The following SPIRE2 variants were observed in gnomAD, a reference collection of about 807,000 sequenced individuals.
The protein encoded by SPIRE2 is protein spire homolog 2.
Under a neutral mutation model 80.7 loss-of-function variants are expected in SPIRE2, and 76 were observed. That is an observed-to-expected ratio of 0.94 (90% CI 0.78 to 1.14). The LOEUF (loss-of-function observed/expected upper bound fraction) is 1.14. Ranked by LOEUF, SPIRE2 falls within the 50% of genes most tolerant of loss-of-function variation. The pLI is 0.00. For missense variants in SPIRE2, 1,196 were observed against 1,015.3 expected, an observed-to-expected ratio of 1.18 and a Z score of -2.42; for synonymous variants, 535 against 432.6, an observed-to-expected ratio of 1.24 and a Z score of -2.94.
At position 89,870,817 on chromosome 16, in the gene SPIRE2, G is replaced by T. The variant is rs1356379883; in HGVS notation, c.*545G>T. On this transcript the variant is annotated 3_prime_UTR_variant, in exon 15 of 15. Transcript: ENST00000378247. ...TTTGAAAGGTCTGGCCAGGCGTGGT[G>T]GTTCAGGCCTGTAATTCCAGCACTT... is the stretch of plus-strand genomic sequence containing the variant. 1 of 156,090 alleles carries T rather than the reference G, an allele frequency of 6.4e-6. No individual in the cohort carries two copies. Among genetic ancestry groups the T allele is most frequent in the Non-Finnish European group, 1.4e-5 (1 of 70,156 alleles). The allele number at this position is 156,090 out of a possible 1,614,324, so 9.7% of individuals were successfully genotyped here. A position where few individuals can be genotyped will look rare whatever the true frequency, so the allele number is the denominator to read the frequency against.
intron 1 of SPIRE2, among the ~76,000 whole-genome samples, chr16:89,839,858 A>G (rs2041487164): frequency 6.6e-6 from 1 of 152,236 alleles, no homozygotes; most frequent in Non-Finnish European, 1.5e-5. Flanking sequence ...CCTTGGGCCA[A>G]GCCTGGCCAG....
At chr16:89,864,442 C>T (rs555163128) in intron 12 of SPIRE2, among the ~76,000 whole-genome samples, 1 of 152,344 alleles carries the variant, frequency 6.6e-6, no homozygotes, top group South Asian at 2.1e-4. Context: ...AAATCTGGTC[C>T]TCGGCCTGTT....
rs749846493 is a variant in SPIRE2 at position 89,860,795 on chromosome 16, GGTGA to G, written c.1575+6_1575+9del. On this transcript the variant is annotated splice_donor_variant and splice_donor_region_variant and intron_variant, in intron 10 of 14. Coordinates refer to ENST00000378247, the MANE Select transcript of SPIRE2 (RefSeq NM_032451.2). LOFTEE classifies it high-confidence loss of function. ...CCCCCGATGCCAAACACCTGTGGCT[GGTGA>G]GTGAGGGTGCGATTGTCGTCCAGGG... The G allele has an allele frequency of 3.8e-5, 57 of 1,480,820 alleles. No homozygotes were observed. Among genetic ancestry groups the G allele is most frequent in the Middle Eastern group, 1.8e-4 (1 of 5,636 alleles). 91.7% of individuals were successfully genotyped at this position (1,480,820 alleles called of 1,614,324 possible).
At chr16:89,842,325 C>T (rs12923707) in intron 1 of SPIRE2, among the ~76,000 whole-genome samples, 1 of 144,406 alleles carries the variant, frequency 6.9e-6, no homozygotes, top group African/African-American at 2.6e-5. Flanking sequence ...CGATTCTCCT[C>T]TCTCAGCCTC....
chr16:89,839,075 C>A (rs1265871710), intron 1 of SPIRE2, among the ~76,000 whole-genome samples: 2 of 151,298 alleles, frequency 1.3e-5, no homozygotes, highest in Admixed American at 1.3e-4. Context: ...GGCGCTGTGG[C>A]TCACGCCTGT....
Position 89,829,721 on chromosome 16 carries a change from C to G in SPIRE2, c.244+927C>G, listed in dbSNP as rs569039895. Among the ~76,000 whole-genome samples the G allele has an allele frequency of 4.0e-5, 6 of 151,824 alleles. No homozygotes were observed. The East Asian group carries it at 9.6e-4, about 24-fold the overall frequency. ...GTCCTGCTCATCCTGGAGCCCCCCC[C>G]TCAGCTGCCTCCACACTCCTGCCAT... is the stretch of plus-strand genomic sequence containing the variant. On this transcript the variant is annotated intron_variant, in intron 1 of 14. Transcript: ENST00000378247.
Position 89,834,328 on chromosome 16 carries a change from G to A in SPIRE2, c.244+5534G>A, listed in dbSNP as rs565071845. 1.2e-4 allele frequency among the ~76,000 whole-genome samples: 16 copies of A among 137,310 alleles called. No individual in the cohort carries two copies. In the East Asian group the frequency reaches 1.8e-3, roughly 16 times the overall value. The allele number at this position is 137,310 out of a possible 152,430, so 90.1% of individuals were successfully genotyped here. On this transcript the variant is annotated intron_variant, in intron 1 of 14. Coordinates refer to ENST00000378247, the MANE Select transcript of SPIRE2 (RefSeq NM_032451.2). The stretch of plus-strand genomic sequence containing the variant: ...GTAGAAGGCCCCATAAGCATAGCCC[G>A]TGTGAATCTGTGAACCTGCCTGTGC...
chr16:89,832,234 C>T (rs1216481713), intron 1 of SPIRE2, among the ~76,000 whole-genome samples: 5 of 152,236 alleles, frequency 3.3e-5, no homozygotes, highest in East Asian at 1.9e-4. Flanking sequence ...CCACCTTTGC[C>T]GAGGAGCACC....
rs772079824 is a variant in SPIRE2 at position 89,855,703 on chromosome 16, C to T, written c.978+17C>T. 6.2e-7 allele frequency: 1 copy of T among 1,612,054 alleles called. No homozygotes were observed. The highest frequency in any genetic ancestry group is 1.1e-5 in the South Asian group (1 of 91,004). On this transcript the variant is annotated intron_variant, in intron 6 of 14. Coordinates refer to ENST00000378247, the MANE Select transcript of SPIRE2 (RefSeq NM_032451.2). Reference sequence around the variant, plus strand: ...CTGAAGCAGGTGCTGCCCCAGCCTCCTCCTCCTCAGGGGCCGCCCGGGGCC... The same window carrying T: ...CTGAAGCAGGTGCTGCCCCAGCCTCTTCCTCCTCAGGGGCCGCCCGGGGCC...
Position 89,828,696 on chromosome 16 carries a change from G to A in SPIRE2, c.146G>A (p.Arg49His). ...TGGGCCGTGTGCTTCCAGGGCTGCCGCGGGCTGCGGGGCTCGCCGGGCCGG... is the reference window on the plus strand; with the variant it reads ...TGGGCCGTGTGCTTCCAGGGCTGCCACGGGCTGCGGGGCTCGCCGGGCCGG... Reference protein sequence around the residue: ...QAWAVCFQGCRGLRGSPGRRL... With the variant: ...QAWAVCFQGCHGLRGSPGRRL... The change falls in exon 1 of 15, where the codon CGC becomes CAC. Residue 49 changes from arginine to histidine, a missense_variant. By Grantham distance (29) the Arg-to-His change is conservative (BLOSUM62 0). Transcript: ENST00000378247. This position sits in a 1 kb window ranked among gnomAD's most constrained non-coding sequence, Gnocchi z 5.9. 2.3e-6 allele frequency: 3 copies of A among 1,291,368 alleles called. No homozygotes were observed. Among genetic ancestry groups the A allele is most frequent in the Non-Finnish European group, 2.0e-6 (2 of 1,015,752 alleles). The allele number at this position is 1,291,368 out of a possible 1,614,324, so 80.0% of individuals were successfully genotyped here. A position where few individuals can be genotyped will look rare whatever the true frequency, so the allele number is the denominator to read the frequency against.
At chr16:89,869,777 G>C (rs1270635758) in intron 14 of SPIRE2, 95 bp downstream of exon 14, 2 of 940,966 alleles carry the variant, frequency 2.1e-6, no homozygotes, top group Non-Finnish European at 3.4e-6. Flanking sequence ...TTGTCTGTTT[G>C]CTAGGACACC....
intron 1 of SPIRE2, among the ~76,000 whole-genome samples, chr16:89,837,275 C>G (rs942065071): frequency 6.6e-6 from 1 of 152,124 alleles, no homozygotes; most frequent in Non-Finnish European, 1.5e-5. Context: ...GGCACCCCAC[C>G]CTCAGGGGAC....
In SPIRE2 at chr16:89,839,020, T is replaced by G. The variant is rs80294481; in HGVS notation, c.245-6302T>G. 4.5e-3 allele frequency among the ~76,000 whole-genome samples: 671 copies of G among 150,246 alleles called. 4 individuals carry two copies. Among genetic ancestry groups the G allele is most frequent in the African/African-American group, 0.016 (653 of 41,038 alleles). Reference sequence around the variant, plus strand: ...GCTGGGATTACAGACGTGTCTCAAGTGGACACATCTGTGTTTCGAGTGTTA... The same window carrying G: ...GCTGGGATTACAGACGTGTCTCAAGGGGACACATCTGTGTTTCGAGTGTTA... On this transcript the variant is annotated intron_variant, in intron 1 of 14. Coordinates refer to ENST00000378247, the MANE Select transcript of SPIRE2 (RefSeq NM_032451.2).
intron 1 of SPIRE2, among the ~76,000 whole-genome samples, chr16:89,842,339 AGT>A (rs2041514517): frequency 6.7e-6 from 1 of 149,548 alleles, no homozygotes; most frequent in African/African-American, 2.5e-5. Context: ...CAGCCTCCCA[AGT>A]AGCTGGGATT....
At position 89,870,087 on chromosome 16, in the gene SPIRE2, G is replaced by T. The variant is rs1017259743; in HGVS notation, c.1960G>T (p.Ala654Ser). ...GCCACAGTGGCAGAGCGTGGAGGAG[G>T]CGTTCCCCCACATCTACTCCCACGG... ...QGPQWQSVEE[A>S]FPHIYSHGCV... Residue 654 changes from alanine (A) to serine (S), a missense_variant, in exon 15 of 15, where the codon GCG becomes TCG. By Grantham distance (99) the Ala-to-Ser change is moderately conservative. Coordinates refer to ENST00000378247, the MANE Select transcript of SPIRE2 (RefSeq NM_032451.2). 6.8e-6 allele frequency: 11 copies of T among 1,613,482 alleles called. No individual in the cohort carries two copies. The highest frequency in any genetic ancestry group is 9.3e-6 in the Non-Finnish European group (11 of 1,179,914).
chr16:89,832,612 C>A (rs2041396675), intron 1 of SPIRE2, among the ~76,000 whole-genome samples: 1 of 152,108 alleles, frequency 6.6e-6, no homozygotes, highest in African/African-American at 2.4e-5. Flanking sequence ...ATCACCTGCC[C>A]TCACTGTCCC....
chr16:89,845,938 C>A, intron 2 of SPIRE2: 1 of 360,906 alleles, frequency 2.8e-6, no homozygotes. Context: ...GCTCTGTCGC[C>A]CAGGCTGGAG....
intron 12 of SPIRE2, among the ~76,000 whole-genome samples, chr16:89,864,244 C>T (rs1308785419): frequency 6.6e-6 from 1 of 152,106 alleles, no homozygotes; most frequent in Admixed American, 6.6e-5. Flanking sequence ...CTGCCGGACT[C>T]CCCAGATGGA....
Position 89,869,072 on chromosome 16 carries a change from A to ATATATATATATATATATATATG in SPIRE2, c.1807-492_1807-491insATATATATATATATATATGTAT, listed in dbSNP as rs67559135. Among the ~76,000 whole-genome samples the ATATATATATATATATATATATG allele has an allele frequency of 2.5e-3, 167 of 65,882 alleles. 10 individuals carry two copies. The highest frequency in any genetic ancestry group is 3.1e-3 in the Non-Finnish European group (109 of 35,502). 43.2% of individuals were successfully genotyped at this position (65,882 alleles called of 152,430 possible). A position where few individuals can be genotyped will look rare whatever the true frequency, so the allele number is the denominator to read the frequency against. On this transcript the variant is annotated intron_variant, in intron 13 of 14. Coordinates refer to ENST00000378247, the MANE Select transcript of SPIRE2 (RefSeq NM_032451.2). ...AAAAAAAATATATATATATATATAT[A>ATATATATATATATATATATATG]TATGTTACCCCTCAGGCCTCAGTTC...
Sources: gnomAD v4.1 joint callset for allele counts (sites outside exome capture counted in the v4.1 genomes callset) on GRCh38, gnomAD v4.1.1 for gene constraint, Gnocchi (gnomAD v3.1) non-coding constraint, MANE v1.5 for transcripts, NCBI Gene and HGNC (gene_info 2026-07-23, HGNC 2026-07-21) for gene names.